The following AFG2A variants were observed in gnomAD, a reference collection of about 807,000 sequenced individuals.
AFG2A encodes ATPase family gene 2 protein homolog A.
the AFG2A span, among the ~76,000 whole-genome samples, chr4:123,088,497 G>A: frequency 2.4e-4 from 36 of 152,288 alleles, no homozygotes; most frequent in Non-Finnish European, 4.0e-4. Context: ...ACGTGGAAAA[G>A]TTATATTATG....
chr4:122,940,394 A>G, the AFG2A span, among the ~76,000 whole-genome samples: 1 of 152,072 alleles, frequency 6.6e-6, no homozygotes, highest in Non-Finnish European at 1.5e-5. Flanking sequence ...GATGATGAGC[A>G]TTTTTTCATG....
chr4:123,168,817 A>T, the AFG2A span, among the ~76,000 whole-genome samples: 1 of 152,244 alleles, frequency 6.6e-6, no homozygotes, highest in Non-Finnish European at 1.5e-5. Flanking sequence ...GAAACTCAGT[A>T]TTACCATGAA....
the AFG2A span, among the ~76,000 whole-genome samples, chr4:123,078,147 GT>G: frequency 0.14 from 21,965 of 151,782 alleles, 2,041 homozygotes; most frequent in East Asian, 0.46. Context: ...GATTGTTCCT[GT>G]TTTTTTTCTC....
At chr4:123,285,236 C>G in the AFG2A span, among the ~76,000 whole-genome samples, 2 of 152,130 alleles carry the variant, frequency 1.3e-5, no homozygotes, top group African/African-American at 4.8e-5. Context: ...TTCGTACCCT[C>G]TTCCTAAAGC....
At chr4:123,060,051 C>G in the AFG2A span, among the ~76,000 whole-genome samples, 2 of 152,164 alleles carry the variant, frequency 1.3e-5, no homozygotes, top group Admixed American at 6.5e-5. Context: ...TCAAAATGAT[C>G]TCCTTTGATC....
chr4:123,021,669 C>T, the AFG2A span, among the ~76,000 whole-genome samples: 1 of 152,160 alleles, frequency 6.6e-6, no homozygotes, highest in Admixed American at 6.5e-5. Flanking sequence ...ATATTTCTTC[C>T]TGTCTTCAAA....
the AFG2A span, among the ~76,000 whole-genome samples, chr4:123,144,766 CAG>C: frequency 6.6e-6 from 1 of 152,046 alleles, no homozygotes; most frequent in East Asian, 1.9e-4. Flanking sequence ...GTAAAATTTT[CAG>C]AGTCATAGGA....
chr4:123,032,018 T>G, the AFG2A span, among the ~76,000 whole-genome samples: 2 of 152,228 alleles, frequency 1.3e-5, no homozygotes, highest in South Asian at 2.1e-4. Flanking sequence ...TGCTTTTGTC[T>G]GGAGTGCTAC....
the AFG2A span, among the ~76,000 whole-genome samples, chr4:123,158,215 C>A: frequency 6.6e-6 from 1 of 152,200 alleles, no homozygotes; most frequent in African/African-American, 2.4e-5. Context: ...GATAAAATGA[C>A]TTGTTCCAAA....
the AFG2A span, among the ~76,000 whole-genome samples, chr4:123,151,556 A>G: frequency 6.6e-6 from 1 of 152,366 alleles, no homozygotes; most frequent in East Asian, 1.9e-4. Context: ...CATTAGAGAA[A>G]TGCAAATCAA....
chr4:123,228,836 A>G, the AFG2A span, among the ~76,000 whole-genome samples: 5 of 152,020 alleles, frequency 3.3e-5, no homozygotes, highest in East Asian at 1.9e-4. Flanking sequence ...GAACATATAC[A>G]TAACTTAAAT....
At chr4:123,092,698 C>T in the AFG2A span, among the ~76,000 whole-genome samples, 9 of 152,132 alleles carry the variant, frequency 5.9e-5, no homozygotes, top group Non-Finnish European at 1.2e-4. Context: ...AGACTGCATT[C>T]GCATTAGGAG....
chr4:123,011,638 A>G, the AFG2A span, among the ~76,000 whole-genome samples: 1 of 152,160 alleles, frequency 6.6e-6, no homozygotes, highest in Non-Finnish European at 1.5e-5. Flanking sequence ...GCTATTTGGA[A>G]CCACTGTCAA....
At chr4:123,160,958 GTCTC>G in the AFG2A span, among the ~76,000 whole-genome samples, 1 of 152,152 alleles carries the variant, frequency 6.6e-6, no homozygotes, top group African/African-American at 2.4e-5. Flanking sequence ...TGTGTTCTCT[GTCTC>G]TCTCAAAATT....
chr4:123,221,134 A>G, the AFG2A span, among the ~76,000 whole-genome samples: 1 of 151,988 alleles, frequency 6.6e-6, no homozygotes, highest in Non-Finnish European at 1.5e-5. Context: ...GGCTTTTCCA[A>G]ATGGAGATGT....
chr4:123,155,308 G>A, the AFG2A span, among the ~76,000 whole-genome samples: 1 of 151,968 alleles, frequency 6.6e-6, no homozygotes, highest in African/African-American at 2.4e-5. Flanking sequence ...GGTCTTGAAT[G>A]CCTGAGCTCA....
chr4:123,244,355 A>T, the AFG2A span, among the ~76,000 whole-genome samples: 6 of 152,306 alleles, frequency 3.9e-5, no homozygotes, highest in African/African-American at 1.2e-4. Context: ...AAACAGAAAC[A>T]ATGTCTCTTT....
At chr4:123,083,313 G>C in the AFG2A span, among the ~76,000 whole-genome samples, 1 of 152,142 alleles carries the variant, frequency 6.6e-6, no homozygotes, top group South Asian at 2.1e-4. Flanking sequence ...TCTATTCCTG[G>C]TTTGCTGAGA....
chr4:123,199,062 G>A, the AFG2A span, among the ~76,000 whole-genome samples: 1 of 152,080 alleles, frequency 6.6e-6, no homozygotes, highest in African/African-American at 2.4e-5. Context: ...GGCGGTCTGG[G>A]GAAGTGAATC....
Sources: gnomAD v4.1 joint callset for allele counts (sites outside exome capture counted in the v4.1 genomes callset) on GRCh38, gnomAD v4.1.1 for gene constraint, MANE v1.5 for transcripts, NCBI Gene and HGNC (gene_info 2026-07-23, HGNC 2026-07-21) for gene names.